Variants in SPATA7 observed in about 807,000 individuals in gnomAD.
SPATA7 encodes the protein spermatogenesis associated 7.
SPATA7 carries 43 observed loss-of-function variants against 51.8 expected under a neutral mutation model. The observed-to-expected ratio is 0.83, with a 90% CI of 0.65 to 1.07. The LOEUF (loss-of-function observed/expected upper bound fraction) is 1.07. SPATA7 is among the 50% of genes least tolerant of loss of function. The pLI, the probability that SPATA7 is intolerant of heterozygous loss-of-function variation, is 0.00. For synonymous variants in SPATA7, 230 were observed against 252.8 expected (o/e 0.91, Z 0.86); for missense variants, 683 against 701.3 (o/e 0.97, Z 0.30).
intron 4 of SPATA7, among the ~76,000 whole-genome samples, chr14:88,462,559 AAGT>A (rs1054278935): frequency 6.6e-6 from 1 of 152,240 alleles, no homozygotes; most frequent in Non-Finnish European, 1.5e-5. Flanking sequence ...AACTGAAATT[AAGT>A]AGTAGTCTTT....
rs754708242 is a variant in SPATA7, at chr14:88,469,797, C to T, written c.255-50C>T. On this transcript the variant is annotated intron_variant, in intron 4 of 4. Coordinates refer to the SPATA7 transcript ENST00000556406. The surrounding 1 kb of genome is among the most constrained non-coding windows in gnomAD (Gnocchi z 4.3). ...GCAATGGATGCCTTTCTCACATAGA[C>T]GGCACATCTGAAACAGAACCACAAC... 7.6e-5 allele frequency: 121 copies of T among 1,595,560 alleles called. No homozygotes were observed. Among genetic ancestry groups the T allele is most frequent in the Non-Finnish European group, 9.5e-5 (110 of 1,163,536 alleles).
chr14:88,423,926 A>T (rs990309673), intron 5 of SPATA7, among the ~76,000 whole-genome samples: 6 of 152,194 alleles, frequency 3.9e-5, no homozygotes, highest in African/African-American at 1.2e-4. Flanking sequence ...TGACATCCTT[A>T]AAAAAGATTG....
intron 4 of SPATA7, among the ~76,000 whole-genome samples, chr14:88,400,959 A>G (rs923910273): frequency 6.6e-6 from 1 of 152,250 alleles, no homozygotes; most frequent in Non-Finnish European, 1.5e-5. Flanking sequence ...TTAAACTTTT[A>G]TAAAAATAGA....
At chr14:88,418,744 G>A (rs889203546) in intron 5 of SPATA7, among the ~76,000 whole-genome samples, 9 of 152,188 alleles carry the variant, frequency 5.9e-5, no homozygotes, top group Admixed American at 1.3e-4. Context: ...AAAGTGCTGG[G>A]ATTACAGGCG....
intron 7 of SPATA7, 150 bp downstream of exon 7, chr14:88,427,846 T>A (rs2076839178): frequency 3.1e-6 from 2 of 644,806 alleles, no homozygotes; most frequent in South Asian, 3.9e-5. Context: ...AAGGTCTGCC[T>A]ATTTACAAAT....
rs1436269510 is a variant in SPATA7 at position 88,437,577 on chromosome 14, CAAAAT to C, written c.1199_1203del (p.Asn400ThrfsTer31). 4.8e-5 allele frequency: 78 copies of C among 1,610,026 alleles called. No individual in the cohort carries two copies. The highest frequency in any genetic ancestry group is 6.0e-5 in the Non-Finnish European group (71 of 1,177,636). ...ACGACTGTTCGAGCGACATATAAAACAAAATAAACATTTGGAGGAGGTTTGTCTTT... is the reference window on the plus strand; with the variant it reads ...ACGACTGTTCGAGCGACATATAAAACAAACATTTGGAGGAGGTTTGTCTTT... On this transcript the variant is annotated frameshift_variant, in exon 11 of 12. Transcript: ENST00000393545. LOFTEE classifies it low-confidence loss of function (END_TRUNC).
chr14:88,468,177 CTG>C, intron 4 of SPATA7: 2 of 1,613,746 alleles, frequency 1.2e-6, no homozygotes, highest in Non-Finnish European at 1.7e-6. Context: ...GATGAGGACT[CTG>C]TACACAAATG....
In SPATA7 at chr14:88,391,780, C is replaced by T. The variant is rs941945439; in HGVS notation, c.94+325C>T. 5.4e-5 allele frequency: 18 copies of T among 334,774 alleles called. 1 individual carries two copies. The highest frequency in any genetic ancestry group is 1.4e-3 in the Middle Eastern group (2 of 1,386). The allele number at this position is 334,774 out of a possible 1,614,324, so 20.7% of individuals were successfully genotyped here. A position where few individuals can be genotyped will look rare whatever the true frequency, so the allele number is the denominator to read the frequency against. On this transcript the variant is annotated intron_variant, in intron 2 of 11. Transcript: ENST00000393545. ...AATGGTGAGTAGCAGGTATTAAAGACGCAAGCACTGAAAAGGAAAAGCTGT... is the reference window on the plus strand; with the variant it reads ...AATGGTGAGTAGCAGGTATTAAAGATGCAAGCACTGAAAAGGAAAAGCTGT...
chr14:88,421,952 A>C (rs1168414647), intron 5 of SPATA7, among the ~76,000 whole-genome samples: 1 of 151,328 alleles, frequency 6.6e-6, no homozygotes, highest in Non-Finnish European at 1.5e-5. Flanking sequence ...CATCTCAAAA[A>C]AAAAAAAAAA....
intron 5 of SPATA7, among the ~76,000 whole-genome samples, chr14:88,423,165 G>C (rs549808333): frequency 1.3e-5 from 2 of 151,888 alleles, no homozygotes; most frequent in Admixed American, 1.3e-4. Flanking sequence ...CATACTACTC[G>C]TTTGCTTCAC....
At chr14:88,418,770 G>A (rs373788227) in intron 5 of SPATA7, among the ~76,000 whole-genome samples, 4 of 151,994 alleles carry the variant, frequency 2.6e-5, no homozygotes, top group South Asian at 2.1e-4. Flanking sequence ...CACCATGCCC[G>A]GCCTACAATT....
rs144035832 is a variant in SPATA7 at position 88,461,829 on chromosome 14, C to T, written c.255-8018C>T. On this transcript the variant is annotated intron_variant, in intron 4 of 4. Coordinates refer to the SPATA7 transcript ENST00000556406. The stretch of plus-strand genomic sequence containing the variant: ...CTGGGAGCTGTAGACTGGAGCTGTT[C>T]CTATTTGGCTATCTTGGAACCGCAA... Among the ~76,000 whole-genome samples the T allele has an allele frequency of 3.5e-3, 529 of 152,232 alleles. 3 individuals are homozygous for T. The highest frequency in any genetic ancestry group is 0.012 in the African/African-American group (485 of 41,542).
At chr14:88,394,047 A>G (rs1268578364) in intron 3 of SPATA7, among the ~76,000 whole-genome samples, 1 of 152,198 alleles carries the variant, frequency 6.6e-6, no homozygotes, top group East Asian at 1.9e-4. Context: ...TGGTGTTCAT[A>G]TTTTTAAATG....
exon 5 of SPATA7, chr14:88,470,069 A>C: frequency 1.2e-6 from 2 of 1,607,554 alleles, no homozygotes. Flanking sequence ...AGAAAAGGTT[A>C]AAAAAATTGA....
At chr14:88,457,951 T>C (rs1418892663), downstream of SPATA7, among the ~76,000 whole-genome samples, 1 of 152,170 alleles carries the variant, frequency 6.6e-6, no homozygotes, top group East Asian at 1.9e-4. Flanking sequence ...TGTTGAATTT[T>C]CTCAAAGGCC....
At chr14:88,465,154 T>G (rs565016317) in intron 4 of SPATA7, among the ~76,000 whole-genome samples, 1 of 152,280 alleles carries the variant, frequency 6.6e-6, no homozygotes, top group African/African-American at 2.4e-5. Flanking sequence ...CAATAAGCAT[T>G]CCAAATGATA....
chr14:88,407,498 TG>T (rs1350090988), intron 4 of SPATA7, among the ~76,000 whole-genome samples: 1 of 152,234 alleles, frequency 6.6e-6, no homozygotes, highest in African/African-American at 2.4e-5. Flanking sequence ...TTGTGGATTC[TG>T]GATATTAGCC....
At chr14:88,411,250 T>G (rs2076334501) in intron 4 of SPATA7, among the ~76,000 whole-genome samples, 1 of 152,126 alleles carries the variant, frequency 6.6e-6, no homozygotes, top group South Asian at 2.1e-4. Flanking sequence ...CAGGTCAACT[T>G]CAGACTGCTG....
chr14:88,407,857 A>G (rs1029340107), intron 4 of SPATA7, among the ~76,000 whole-genome samples: 4 of 152,144 alleles, frequency 2.6e-5, no homozygotes, highest in African/African-American at 9.7e-5. Context: ...CTGTTTGTTA[A>G]ATAGGGACTC....
Sources: allele counts gnomAD v4.1 joint callset (sites outside exome capture counted in the v4.1 genomes callset), GRCh38; gene constraint gnomAD v4.1.1; non-coding constraint Gnocchi (gnomAD v3.1); transcripts MANE v1.5; gene names NCBI Gene and HGNC (gene_info 2026-07-23, HGNC 2026-07-21).